Variants in PCCA observed in about 807,000 individuals in gnomAD.
The protein encoded by PCCA is propionyl-CoA carboxylase subunit alpha.
PCCA carries 74 observed loss-of-function variants against 101.3 expected under a neutral mutation model. The observed-to-expected ratio is 0.73, with a 90% CI of 0.61 to 0.89. The LOEUF is 0.89. Ranked by LOEUF, PCCA falls within the 40% of genes least tolerant of loss-of-function variation. PCCA has a pLI of 0.00. For synonymous variants in PCCA, 294 were observed against 313.6 expected (o/e 0.94, Z 0.66); for missense variants, 891 against 907.0 (o/e 0.98, Z 0.23).
chr13:100,217,783 G>A (rs1433213158), intron 7 of PCCA, among the ~76,000 whole-genome samples: 1 of 146,220 alleles, frequency 6.8e-6, no homozygotes, highest in Non-Finnish European at 1.5e-5. Context: ...AGAACCCTGG[G>A]GGCGGAGGTT....
intron 20 of PCCA, among the ~76,000 whole-genome samples, chr13:100,429,415 AAATTGATTACTGTAGT>A: frequency 6.6e-6 from 1 of 152,026 alleles, no homozygotes; most frequent in African/African-American, 2.4e-5. Flanking sequence ...TAATCACTTG[AAATTGATTACTGTAGT>A]AATTGATTAC....
At chr13:100,271,600 A>C (rs1194212404) in intron 11 of PCCA, among the ~76,000 whole-genome samples, 3 of 152,234 alleles carry the variant, frequency 2.0e-5, no homozygotes, top group Non-Finnish European at 4.4e-5. Flanking sequence ...CTTAAGATAC[A>C]AAAGCCAATC....
chr13:100,094,901 A>G (rs1420372173), intron 1 of PCCA, among the ~76,000 whole-genome samples: 1 of 152,142 alleles, frequency 6.6e-6, no homozygotes, highest in Non-Finnish European at 1.5e-5. Flanking sequence ...CTTTGGTATT[A>G]TTTATTCAAG....
chr13:100,199,701 AT>A (rs2058354206), intron 6 of PCCA, among the ~76,000 whole-genome samples: 1 of 152,216 alleles, frequency 6.6e-6, no homozygotes, highest in Non-Finnish European at 1.5e-5. Flanking sequence ...GGATTACAAA[AT>A]TTTGGTAGTT....
chr13:100,120,705 G>A (rs1566514012), intron 4 of PCCA, among the ~76,000 whole-genome samples: 2 of 152,130 alleles, frequency 1.3e-5, no homozygotes, highest in South Asian at 2.1e-4. Flanking sequence ...AGCAAAATGG[G>A]AGTTAAGCCT....
chr13:100,107,864 G>A (rs185246247), intron 2 of PCCA, among the ~76,000 whole-genome samples: 4 of 152,250 alleles, frequency 2.6e-5, no homozygotes, highest in African/African-American at 7.2e-5. Context: ...CCTAAGTGTC[G>A]GCTGCTTAAT....
rs398024171 is a variant in PCCA at position 100,440,156 on chromosome 13, T to TTA, written c.1846-9043_1846-9042dup. Among the ~76,000 whole-genome samples the TTA allele has an allele frequency of 9.7e-3, 893 of 92,298 alleles. 5 individuals are homozygous for TTA. The highest frequency in any genetic ancestry group is 0.013 in the Non-Finnish European group (605 of 45,506). 60.6% of individuals were successfully genotyped at this position (92,298 alleles called of 152,430 possible). ...GTTGTGAAATGACTAGAGTATTAAATTATATATATATATATATATATATAT... is the reference window on the plus strand; with the variant it reads ...GTTGTGAAATGACTAGAGTATTAAATTATATATATATATATATATATATATAT... On this transcript the variant is annotated intron_variant, in intron 20 of 23. Transcript: ENST00000376285.
At position 100,344,242 on chromosome 13, in the gene PCCA, A is replaced by G. The variant is rs373875342; in HGVS notation, c.1643+3983A>G. ...CATGTAAAAATAAATTGTATTCGAAACTTGAGTAGAAGCAGATATTAAGGA... is the reference window on the plus strand; with the variant it reads ...CATGTAAAAATAAATTGTATTCGAAGCTTGAGTAGAAGCAGATATTAAGGA... On this transcript the variant is annotated intron_variant, in intron 18 of 23. Transcript: ENST00000376285. 9.2e-5 allele frequency among the ~76,000 whole-genome samples: 14 copies of G among 152,318 alleles called. No individual in the cohort carries two copies. In the East Asian group the frequency reaches 2.3e-3, roughly 25 times the overall value.
At chr13:100,154,746 T>A (rs1359568695) in intron 4 of PCCA, 1 of 501,860 alleles carries the variant, frequency 2.0e-6, no homozygotes, top group Non-Finnish European at 3.6e-6. Flanking sequence ...ATAGGGGATA[T>A]TATGGAAATT....
chr13:100,263,784 C>T (rs551951708), intron 10 of PCCA, among the ~76,000 whole-genome samples: 7 of 150,658 alleles, frequency 4.6e-5, no homozygotes, highest in East Asian at 3.9e-4. Flanking sequence ...ATCATATATA[C>T]GGTATCTGTA....
intron 21 of PCCA, among the ~76,000 whole-genome samples, chr13:100,484,678 A>C (rs1192442996): frequency 6.6e-6 from 1 of 152,254 alleles, no homozygotes; most frequent in East Asian, 1.9e-4. Context: ...AACACATATC[A>C]AATAGACAGC....
At position 100,171,472 on chromosome 13, in the gene PCCA, A is replaced by G. The variant is rs572491291; in HGVS notation, c.468+14132A>G. Among the ~76,000 whole-genome samples the G allele has an allele frequency of 2.5e-4, 38 of 152,272 alleles. 1 individual carries two copies. The South Asian group carries it at 7.7e-3, about 31-fold the overall frequency. ...AATGAGCATGCCTCCTCTGACTACTATGCCCCACTCCACTTCCACATTCTT... is the reference window on the plus strand; with the variant it reads ...AATGAGCATGCCTCCTCTGACTACTGTGCCCCACTCCACTTCCACATTCTT... On this transcript the variant is annotated intron_variant, in intron 6 of 23. Coordinates refer to ENST00000376285, the MANE Select transcript of PCCA (RefSeq NM_000282.4).
chr13:100,311,219 TGA>T, intron 16 of PCCA, among the ~76,000 whole-genome samples: 1 of 150,462 alleles, frequency 6.6e-6, no homozygotes, highest in South Asian at 2.1e-4. Context: ...GGTGACAGAG[TGA>T]GAGTCCGTCT....
At chr13:100,131,857 T>C (rs1044481008) in intron 4 of PCCA, among the ~76,000 whole-genome samples, 1 of 152,206 alleles carries the variant, frequency 6.6e-6, no homozygotes, top group African/African-American at 2.4e-5. Flanking sequence ...GCAGACATTT[T>C]ATAATTACAT....
At chr13:100,265,581 C>T (rs573843310) in intron 10 of PCCA, among the ~76,000 whole-genome samples, 2 of 152,160 alleles carry the variant, frequency 1.3e-5, no homozygotes, top group African/African-American at 4.8e-5. Flanking sequence ...CCTACACCCA[C>T]CCACTCCCAC....
chr13:100,324,771 T>C (rs2068462258), intron 16 of PCCA, among the ~76,000 whole-genome samples: 3 of 152,206 alleles, frequency 2.0e-5, no homozygotes, highest in African/African-American at 7.2e-5. Flanking sequence ...TGAGTTCAAG[T>C]GTTGCGAGTA....
chr13:100,328,670 G>A (rs1195573542), intron 16 of PCCA, among the ~76,000 whole-genome samples: 3 of 148,336 alleles, frequency 2.0e-5, no homozygotes, highest in African/African-American at 7.4e-5. Flanking sequence ...TATGTTGTTA[G>A]GTGTTAGCGT....
chr13:100,133,980 C>G lies in PCCA; in HGVS notation c.301-20999C>G, dbSNP rs559436860. On this transcript the variant is annotated intron_variant, in intron 4 of 23. Coordinates refer to ENST00000376285, the MANE Select transcript of PCCA (RefSeq NM_000282.4). Reference sequence around the variant, plus strand: ...ACTGGTTTGCCAGGGGCTCTGAGGCCTTCAGCCACAGACTGAAGGCTGTAC... The same window carrying G: ...ACTGGTTTGCCAGGGGCTCTGAGGCGTTCAGCCACAGACTGAAGGCTGTAC... 3.9e-5 allele frequency among the ~76,000 whole-genome samples: 6 copies of G among 152,318 alleles called. No homozygotes were observed. The East Asian group carries it at 1.2e-3, about 29-fold the overall frequency.
At chr13:100,391,897 TTGAA>T (rs1304505207) in intron 19 of PCCA, among the ~76,000 whole-genome samples, 3 of 152,174 alleles carry the variant, frequency 2.0e-5, no homozygotes, top group East Asian at 1.9e-4. Flanking sequence ...AGTCATGAAT[TTGAA>T]TGAGAGGTTT....
Sources: gnomAD v4.1 joint callset for allele counts (sites outside exome capture counted in the v4.1 genomes callset) on GRCh38, gnomAD v4.1.1 for gene constraint, MANE v1.5 for transcripts, NCBI Gene and HGNC (gene_info 2026-07-23, HGNC 2026-07-21) for gene names.